MCUB: variants seen among roughly 807,000 people sequenced by gnomAD.
MCUB encodes mitochondrial calcium uniporter dominant negative subunit beta, also known as calcium uniporter regulatory subunit MCUb, mitochondrial.
In MCUB, 46 loss-of-function variants were observed where a neutral mutation model predicts 41.4. The observed-to-expected ratio is 1.11, with a 90% CI of 0.88 to 1.42. MCUB has a LOEUF of 1.42. Among genes scored for constraint, MCUB ranks in the 40% most tolerant of loss-of-function variants. The pLI, the probability that MCUB is intolerant of heterozygous loss-of-function variation, is 0.00. For missense variants in MCUB, 403 were observed against 404.9 expected (o/e 1.00, Z 0.04); for synonymous variants, 148 against 148.2 (o/e 1.00, Z 0.01).
chr4:109,684,187 T>G (rs1199753175), intron 5 of MCUB, among the ~76,000 whole-genome samples: 1 of 151,650 alleles, frequency 6.6e-6, no homozygotes, highest in Admixed American at 6.6e-5. Context: ...CTCAGCCTCC[T>G]GAGTATCTGG....
chr4:109,582,598 T>C (rs1469872882), intron 1 of MCUB, among the ~76,000 whole-genome samples: 3 of 152,090 alleles, frequency 2.0e-5, no homozygotes, highest in Non-Finnish European at 2.9e-5. Flanking sequence ...AATTCTTGGC[T>C]TTTGTTGCCA....
At chr4:109,610,435 A>G (rs1481450870) in intron 1 of MCUB, among the ~76,000 whole-genome samples, 1 of 152,180 alleles carries the variant, frequency 6.6e-6, no homozygotes, top group East Asian at 1.9e-4. Context: ...ATGATTCTAT[A>G]AGCATCTCAC....
chr4:109,591,873 A>AT (rs1436262652), intron 1 of MCUB, among the ~76,000 whole-genome samples: 4 of 150,412 alleles, frequency 2.7e-5, no homozygotes, highest in Non-Finnish European at 5.9e-5. Context: ...TAATTTTTGT[A>AT]TTTTTTAGTA....
chr4:109,560,735 G>A (rs1432111824), intron 1 of MCUB, among the ~76,000 whole-genome samples: 4 of 152,160 alleles, frequency 2.6e-5, no homozygotes, highest in Non-Finnish European at 4.4e-5. Context: ...CGGCCTGGGA[G>A]CAGCAGAATA....
At chr4:109,567,481 C>CAT (rs1164287884) in intron 1 of MCUB, among the ~76,000 whole-genome samples, 1 of 61,898 alleles carries the variant, frequency 1.6e-5, no homozygotes, top group Non-Finnish European at 2.8e-5. Flanking sequence ...CCATCTTGGC[C>CAT]AACATGGTGA....
chr4:109,663,242 T>A (rs1320940294), intron 3 of MCUB, among the ~76,000 whole-genome samples: 1 of 152,214 alleles, frequency 6.6e-6, no homozygotes, highest in African/African-American at 2.4e-5. Context: ...ATGTGAACTA[T>A]TCTGAAGGGA....
Position 109,641,141 on chromosome 4 carries a change from C to T in MCUB, c.100-17870C>T, listed in dbSNP as rs144098161. The stretch of plus-strand genomic sequence containing the variant: ...TTTGTTTAGAGGAGTCTCACTCTGT[C>T]GCCCCGGCTGGCGTGATGTTGGCTC... On this transcript the variant is annotated intron_variant, in intron 1 of 7. Transcript: ENST00000394650. Among the ~76,000 whole-genome samples, 1,080 of 152,118 alleles carry T rather than the reference C, an allele frequency of 7.1e-3. 7 individuals carry two copies. Among genetic ancestry groups the T allele is most frequent in the African/African-American group, 0.025 (1,043 of 41,488 alleles).
At chr4:109,632,527 G>A (rs994125726) in intron 1 of MCUB, among the ~76,000 whole-genome samples, 25 of 151,826 alleles carry the variant, frequency 1.6e-4, no homozygotes, top group African/African-American at 6.0e-4. Flanking sequence ...CCAGCTCAGT[G>A]TCTCGAATGA....
intron 1 of MCUB, among the ~76,000 whole-genome samples, chr4:109,637,872 T>A (rs1728628749): frequency 6.6e-6 from 1 of 152,200 alleles, no homozygotes; most frequent in South Asian, 2.1e-4. Context: ...AAATACGACC[T>A]GTTCCCAAAA....
chr4:109,572,798 A>G (rs1042268200), intron 1 of MCUB, among the ~76,000 whole-genome samples: 16 of 152,148 alleles, frequency 1.1e-4, no homozygotes, highest in Admixed American at 9.2e-4. Context: ...GGCTTTTCAT[A>G]CTACTACAAT....
chr4:109,670,251 C>T (rs540534360), intron 4 of MCUB, among the ~76,000 whole-genome samples: 1 of 152,022 alleles, frequency 6.6e-6, no homozygotes, highest in South Asian at 2.1e-4. Context: ...CTTAGAACTT[C>T]ACAAGTGCTT....
chr4:109,685,389 T>C (rs1357838743), intron 7 of MCUB, 22 bp downstream of exon 7: 8 of 1,036,738 alleles, frequency 7.7e-6, no homozygotes, highest in East Asian at 2.4e-5. Context: ...ATACATCTTA[T>C]AGCTGGTTTG....
At chr4:109,654,920 A>T (rs186200898) in intron 1 of MCUB, among the ~76,000 whole-genome samples, 296 of 152,238 alleles carry the variant, frequency 1.9e-3, no homozygotes, top group African/African-American at 7.0e-3. Flanking sequence ...ATCAATACTG[A>T]CACTACCTAC....
intron 2 of MCUB, among the ~76,000 whole-genome samples, chr4:109,659,578 C>G (rs954538082): frequency 1.3e-5 from 2 of 151,996 alleles, no homozygotes; most frequent in African/African-American, 4.8e-5. Flanking sequence ...GAGTGAGACC[C>G]TGTCTCAAAA....
chr4:109,606,954 C>A (rs1226426544), intron 1 of MCUB, among the ~76,000 whole-genome samples: 1 of 151,872 alleles, frequency 6.6e-6, no homozygotes, highest in African/African-American at 2.4e-5. Flanking sequence ...ACCATGTTGG[C>A]CAGGTTGGTC....
In MCUB at chr4:109,597,366, C is replaced by A. The variant is rs1224115948; in HGVS notation, c.99+36930C>A. On this transcript the variant is annotated intron_variant, in intron 1 of 7. Transcript: ENST00000394650. ...GGCGGCTGGCCGGGCGGGGGGCTGA[C>A]CCCCCCACCTCCCTCCCGGACGGGG... Among the ~76,000 whole-genome samples, 889 of 121,584 alleles carry A rather than the reference C, an allele frequency of 7.3e-3. 1 individual carries two copies. The highest frequency in any genetic ancestry group is 0.025 in the African/African-American group (820 of 32,626). The allele number at this position is 121,584 out of a possible 152,430, so 79.8% of individuals were successfully genotyped here.
intron 1 of MCUB, among the ~76,000 whole-genome samples, chr4:109,611,549 C>A (rs568303339): frequency 6.6e-6 from 1 of 152,274 alleles, no homozygotes; most frequent in Admixed American, 6.5e-5. Flanking sequence ...AATACTTACA[C>A]AATTCTGATG....
chr4:109,596,319 C>T (rs1175425141), intron 1 of MCUB, among the ~76,000 whole-genome samples: 1 of 120,002 alleles, frequency 8.3e-6, no homozygotes, highest in African/African-American at 3.3e-5. Context: ...TTCCTATGGC[C>T]ATTGTCAGTC....
intron 1 of MCUB, among the ~76,000 whole-genome samples, chr4:109,605,535 A>G (rs1242869116): frequency 6.6e-6 from 1 of 152,208 alleles, no homozygotes; most frequent in East Asian, 1.9e-4. Context: ...GTAAATATCT[A>G]TTAGATCCAT....
Sources: allele counts gnomAD v4.1 joint callset (sites outside exome capture counted in the v4.1 genomes callset), GRCh38; gene constraint gnomAD v4.1.1; transcripts MANE v1.5; gene names NCBI Gene and HGNC (gene_info 2026-07-23, HGNC 2026-07-21).